The following ERICH5 variants were observed in gnomAD, a reference collection of about 807,000 sequenced individuals.
ERICH5 encodes glutamate rich 5.
Under a neutral mutation model 28.0 loss-of-function variants are expected in ERICH5, and 24 were observed. The observed-to-expected ratio is 0.86, with a 90% confidence interval of 0.62 to 1.21. ERICH5 has a LOEUF of 1.21. ERICH5 is among the 50% of genes most tolerant of loss of function. ERICH5 has a pLI of 0.00. For missense variants in ERICH5, 421 were observed against 441.2 expected, an observed-to-expected ratio of 0.95 and a Z score of 0.41; for synonymous variants, 163 against 157.6, an observed-to-expected ratio of 1.03 and a Z score of -0.25.
At chr8:98,084,723 C>T (rs941263267) in intron 1 of ERICH5, among the ~76,000 whole-genome samples, 1 of 152,140 alleles carries the variant, frequency 6.6e-6, no homozygotes, top group African/African-American at 2.4e-5. Context: ...CATTTCTCTG[C>T]TCACAATTCT....
chr8:98,083,146 C>T (rs563799572), intron 1 of ERICH5, among the ~76,000 whole-genome samples: 247 of 152,188 alleles, frequency 1.6e-3, no homozygotes, highest in Non-Finnish European at 1.8e-3. Context: ...TAATGCCTTT[C>T]GAATGTACTC....
intron 1 of ERICH5, among the ~76,000 whole-genome samples, chr8:98,069,492 T>C (rs989906971): frequency 6.6e-6 from 1 of 152,236 alleles, no homozygotes; most frequent in Non-Finnish European, 1.5e-5. Flanking sequence ...TTCCTCACTT[T>C]GTTTTTTTCA....
chr8:98,070,152 C>G (rs1341585102), intron 1 of ERICH5, among the ~76,000 whole-genome samples: 3 of 152,102 alleles, frequency 2.0e-5, no homozygotes, highest in African/African-American at 7.2e-5. Context: ...AGCCCCTGTT[C>G]TTTTCACAAC....
At chr8:98,082,819 T>C (rs1206356127) in intron 1 of ERICH5, among the ~76,000 whole-genome samples, 1 of 152,122 alleles carries the variant, frequency 6.6e-6, no homozygotes, top group African/African-American at 2.4e-5. Flanking sequence ...TGCAGTAAGC[T>C]ATGGTCATGC....
intron 1 of ERICH5, among the ~76,000 whole-genome samples, chr8:98,086,486 A>G (rs936640996): frequency 1.3e-5 from 2 of 152,218 alleles, no homozygotes; most frequent in African/African-American, 4.8e-5. Context: ...TAGGAAATGA[A>G]AAAGTATGAT....
At chr8:98,082,740 A>G (rs1035032503) in intron 1 of ERICH5, among the ~76,000 whole-genome samples, 1 of 152,066 alleles carries the variant, frequency 6.6e-6, no homozygotes, top group Non-Finnish European at 1.5e-5. Context: ...GCGTGGTGGC[A>G]CATGTCTGTA....
intron 1 of ERICH5, among the ~76,000 whole-genome samples, chr8:98,075,867 A>G (rs1317382075): frequency 1.4e-5 from 2 of 138,800 alleles, no homozygotes; most frequent in African/African-American, 2.7e-5. Flanking sequence ...CACCCATCCA[A>G]AGTGCTTGGA....
chr8:98,093,451 TAG>T lies in ERICH5; in HGVS notation c.*124_*125del, dbSNP rs1360199059. Reference sequence around the variant, plus strand: ...ATGTTTTCTGTAAGGAGTGTGGTTATAGAGAGACTGTTGGAACCATGAGAAGG... The same window carrying T: ...ATGTTTTCTGTAAGGAGTGTGGTTATAGAGACTGTTGGAACCATGAGAAGG... On this transcript the variant is annotated 3_prime_UTR_variant, in exon 3 of 3. Transcript: ENST00000318528. 5 of 620,022 alleles carry T rather than the reference TAG, an allele frequency of 8.1e-6. No individual in the cohort carries two copies. The highest frequency in any genetic ancestry group is 1.4e-5 in the Non-Finnish European group (5 of 363,024). The allele number at this position is 620,022 out of a possible 1,614,324, so 38.4% of individuals were successfully genotyped here.
intron 1 of ERICH5, among the ~76,000 whole-genome samples, chr8:98,068,049 G>T (rs970835965): frequency 1.3e-5 from 2 of 151,374 alleles, no homozygotes; most frequent in Non-Finnish European, 2.9e-5. Flanking sequence ...TTGAGACAGG[G>T]TCTTGCTATG....
intron 1 of ERICH5, among the ~76,000 whole-genome samples, 176 bp from the exon 2 acceptor site, chr8:98,088,900 G>A (rs1484929336): frequency 6.6e-6 from 1 of 152,188 alleles, no homozygotes; most frequent in African/African-American, 2.4e-5. Context: ...AGACAATAAA[G>A]GGATTTGACT....
intron 1 of ERICH5, among the ~76,000 whole-genome samples, chr8:98,079,111 C>T (rs930073229): frequency 7.3e-5 from 11 of 150,838 alleles, no homozygotes; most frequent in Admixed American, 3.3e-4. Flanking sequence ...TGAATTTCCC[C>T]GAAGACAGTA....
rs145238730 is a variant in ERICH5, at chr8:98,068,630, G to C, written c.58+3903G>C. Among the ~76,000 whole-genome samples, 1,062 of 152,236 alleles carry C rather than the reference G, an allele frequency of 7.0e-3. 6 individuals are homozygous for C. The highest frequency in any genetic ancestry group is 0.023 in the African/African-American group (975 of 41,530). On this transcript the variant is annotated intron_variant, in intron 1 of 2. Transcript: ENST00000318528. ...TCCACAGACCTTAATGTGCCTGAAG[G>C]TGTCTATAGACGTTCACATCCAAAC...
chr8:98,085,377 A>G (rs1815256996), intron 1 of ERICH5, among the ~76,000 whole-genome samples: 1 of 151,180 alleles, frequency 6.6e-6, no homozygotes, highest in South Asian at 2.1e-4. Flanking sequence ...GTTAGCCAGG[A>G]TGGTCTCGAT....
intron 1 of ERICH5, among the ~76,000 whole-genome samples, chr8:98,071,818 A>G (rs1020526707): frequency 7.9e-5 from 12 of 152,120 alleles, no homozygotes; most frequent in African/African-American, 2.9e-4. Flanking sequence ...CATTCATTGT[A>G]TATAATCAAG....
chr8:98,083,816 A>G (rs1198486593), intron 1 of ERICH5, among the ~76,000 whole-genome samples: 1 of 152,152 alleles, frequency 6.6e-6, no homozygotes, highest in Non-Finnish European at 1.5e-5. Flanking sequence ...CCAAGATACC[A>G]TGCCCCAGCC....
At chr8:98,083,428 C>T (rs371307211) in intron 1 of ERICH5, among the ~76,000 whole-genome samples, 1 of 152,144 alleles carries the variant, frequency 6.6e-6, no homozygotes, top group Non-Finnish European at 1.5e-5. Flanking sequence ...AGTCTTCATT[C>T]ATGATGAGGC....
In ERICH5 at chr8:98,089,877, A is replaced by T. The variant is rs11994440; in HGVS notation, c.860A>T (p.His287Leu). 13 of 1,614,102 alleles carry T rather than the reference A, an allele frequency of 8.1e-6. No individual in the cohort carries two copies. Among genetic ancestry groups the T allele is most frequent in the Non-Finnish European group, 1.1e-5 (13 of 1,180,052 alleles). ...VEKPVMNDPF[H>L]KTPEGPGNME... ...AAGCCTGTTATGAATGATCCATTCC[A>T]TAAAACTCCTGAAGGTCCAGGAAAC... The change falls in exon 2 of 3, where the codon CAT becomes CTT. Residue 287 changes from histidine (H) to leucine (L), a missense_variant. By Grantham distance (99) the His-to-Leu change is moderately conservative (BLOSUM62 -3). Coordinates refer to ENST00000318528, the MANE Select transcript of ERICH5 (RefSeq NM_173549.3).
intron 1 of ERICH5, among the ~76,000 whole-genome samples, chr8:98,080,484 A>G (rs1815159168): frequency 4.6e-5 from 7 of 152,206 alleles, no homozygotes. Context: ...GGAGCCAGAA[A>G]GGAAGTTTGA....
At chr8:98,070,010 A>C (rs1303518684) in intron 1 of ERICH5, among the ~76,000 whole-genome samples, 1 of 152,194 alleles carries the variant, frequency 6.6e-6, no homozygotes, top group Non-Finnish European at 1.5e-5. Flanking sequence ...TAATTGCACC[A>C]AATACAGCTA....
Sources: gnomAD v4.1 joint callset for allele counts (sites outside exome capture counted in the v4.1 genomes callset) on GRCh38, gnomAD v4.1.1 for gene constraint, MANE v1.5 for transcripts, NCBI Gene and HGNC (gene_info 2026-07-23, HGNC 2026-07-21) for gene names.